Variants in SEZ6L2 observed in about 807,000 individuals in gnomAD.
SEZ6L2 encodes the protein seizure 6-like protein 2.
In SEZ6L2, 44 loss-of-function variants were observed where a neutral mutation model predicts 97.0. The observed-to-expected ratio is 0.45, with a 90% CI of 0.36 to 0.58. The LOEUF (loss-of-function observed/expected upper bound fraction) is 0.58. Ranked by LOEUF, SEZ6L2 falls within the 20% of genes least tolerant of loss-of-function variation. SEZ6L2 has a pLI of 0.00. For missense variants in SEZ6L2, 1,086 were observed against 1,233.3 expected, an observed-to-expected ratio of 0.88 and a Z score of 1.79; for synonymous variants, 543 against 546.1, an observed-to-expected ratio of 0.99 and a Z score of 0.08.
In SEZ6L2 at chr16:29,873,359, T is replaced by C. The variant is rs2067827740; in HGVS notation, c.2369A>G (p.Gln790Arg). The C allele has an allele frequency of 1.2e-6, 2 of 1,614,114 alleles. No individual in the cohort carries two copies. The highest frequency in any genetic ancestry group is 2.2e-5 in the East Asian group (1 of 44,896). The change falls in exon 14 of 18, where the codon CAG (glutamine) becomes CGG (arginine). Residue 790 changes from glutamine (Q) to arginine (R), a missense_variant. Gln to Arg is a conservative substitution (Grantham distance 43, BLOSUM62 1). Transcript: ENST00000617533. This position sits in a 1 kb window ranked among gnomAD's most constrained non-coding sequence, Gnocchi z 4.3. ...GYQTLYKHHY[Q>R]AGESLRFFCY... The stretch of plus-strand genomic sequence containing the variant: ...GAAGAAGCGCAGAGACTCGCCCGCC[T>C]GGTAGTGGTGCTTGTACAGCGTCTG...
rs2067781439 is a variant in SEZ6L2, at chr16:29,871,601, G to A, written c.*98C>T. ...GGGAGACTATTTACACAGCCAGGGA[G>A]GAGGGCAGCCAGGAGGCAGAGACCG... On this transcript the variant is annotated 3_prime_UTR_variant, in exon 18 of 18. Coordinates refer to ENST00000617533, the MANE Select transcript of SEZ6L2 (RefSeq NM_001243332.2). 8.1e-7 allele frequency: 1 copy of A among 1,227,446 alleles called. No homozygotes were observed. Among genetic ancestry groups the A allele is most frequent in the Non-Finnish European group, 1.2e-6 (1 of 850,182 alleles). The allele number at this position is 1,227,446 out of a possible 1,614,324, so 76.0% of individuals were successfully genotyped here. A position where few individuals can be genotyped will look rare whatever the true frequency, so the allele number is the denominator to read the frequency against.
At chr16:29,890,254 C>G (rs2068242923) in intron 5 of SEZ6L2, among the ~76,000 whole-genome samples, 2 of 152,088 alleles carry the variant, frequency 1.3e-5, no homozygotes, top group Admixed American at 1.3e-4. Context: ...CGCCTGTAAT[C>G]CTGGCACTTT....
chr16:29,878,769 T>C (rs1419322936), intron 9 of SEZ6L2, among the ~76,000 whole-genome samples: 2 of 148,926 alleles, frequency 1.3e-5, no homozygotes, highest in South Asian at 2.1e-4. Context: ...TTTTCTTTTT[T>C]TTTTTTTTTG....
intron 8 of SEZ6L2, 139 bp downstream of exon 8, chr16:29,885,447 G>A: frequency 1.1e-6 from 1 of 878,066 alleles, no homozygotes; most frequent in Non-Finnish European, 1.8e-6. Flanking sequence ...TGCAGTTTTG[G>A]GGCAGGGAAG....
chr16:29,871,828 T>A (rs1471289376), intron 17 of SEZ6L2, 100 bp from the exon 18 acceptor site: 21 of 1,085,422 alleles, frequency 1.9e-5, no homozygotes, highest in Admixed American at 7.9e-5. Context: ...TAAAGTAACA[T>A]TGACCTCTAG....
rs1567409263 is a variant in SEZ6L2 at position 29,873,219 on chromosome 16, C to T, written c.2488+21G>A. ...CTTCCCGGACACTGGTGTGCCCCTC[C>T]TGCCCTGTCTGGCCAGGCACCTTTG... On this transcript the variant is annotated intron_variant, in intron 14 of 17. Transcript: ENST00000617533. This position sits in a 1 kb window ranked among gnomAD's most constrained non-coding sequence, Gnocchi z 4.3. 9.9e-6 allele frequency: 16 copies of T among 1,612,740 alleles called. No homozygotes were observed. The highest frequency in any genetic ancestry group is 1.4e-5 in the Non-Finnish European group (16 of 1,179,540).
chr16:29,877,084 G>T (rs1444474553), intron 11 of SEZ6L2, 134 bp from the exon 12 acceptor site: 8 of 1,102,202 alleles, frequency 7.3e-6, no homozygotes, highest in Non-Finnish European at 1.0e-5. Flanking sequence ...GTTTCCTGTC[G>T]CCCAGGCTGG....
At position 29,876,644 on chromosome 16, in the gene SEZ6L2, C is replaced by T. The variant is rs958102852; in HGVS notation, c.2104+112G>A. ...GCCTTGAAGAAGATCCAGGAAGGAC[C>T]CCGAGCGAAGGGATGGAACCCAGAA... On this transcript the variant is annotated intron_variant, in intron 12 of 17. Transcript: ENST00000617533. The surrounding 1 kb of genome is among the most constrained non-coding windows in gnomAD (Gnocchi z 6.5). The T allele has an allele frequency of 5.0e-6, 5 of 995,532 alleles. No individual in the cohort carries two copies. Among genetic ancestry groups the T allele is most frequent in the East Asian group, 5.3e-5 (2 of 37,466 alleles). The allele number at this position is 995,532 out of a possible 1,614,324, so 61.7% of individuals were successfully genotyped here. A position where few individuals can be genotyped will look rare whatever the true frequency, so the allele number is the denominator to read the frequency against.
chr16:29,873,332 CAGA>C lies in SEZ6L2; in HGVS notation c.2393_2395del (p.Phe798del). 8 of 1,614,232 alleles carry C rather than the reference CAGA, an allele frequency of 5.0e-6. No individual in the cohort carries two copies. Among genetic ancestry groups the C allele is most frequent in the Non-Finnish European group, 5.9e-6 (7 of 1,180,038 alleles). On this transcript the variant is annotated inframe_deletion, in exon 14 of 18. Transcript: ENST00000617533. The surrounding 1 kb of genome is among the most constrained non-coding windows in gnomAD (Gnocchi z 4.3). Reference sequence around the variant, plus strand: ...GCCGATAAGCTCAAAGCCCTCATAGCAGAAGAAGCGCAGAGACTCGCCCGCCTG... The same window carrying C: ...GCCGATAAGCTCAAAGCCCTCATAGCAGAAGCGCAGAGACTCGCCCGCCTG...
chr16:29,875,412 G>A (rs1424337629), intron 12 of SEZ6L2, among the ~76,000 whole-genome samples: 4 of 152,116 alleles, frequency 2.6e-5, no homozygotes, highest in East Asian at 3.9e-4. Context: ...TCCTGAGCCC[G>A]AGGCAGCGGG....
Position 29,879,775 on chromosome 16 carries a change from C to T in SEZ6L2, c.1573+89G>A, listed in dbSNP as rs552331298. 7.5e-5 allele frequency: 90 copies of T among 1,207,132 alleles called. 1 individual carries two copies. The African/African-American group carries it at 1.2e-3, about 16-fold the overall frequency. 74.8% of individuals were successfully genotyped at this position (1,207,132 alleles called of 1,614,324 possible). A position where few individuals can be genotyped will look rare whatever the true frequency, so the allele number is the denominator to read the frequency against. On this transcript the variant is annotated intron_variant, in intron 9 of 17. Coordinates refer to ENST00000617533, the MANE Select transcript of SEZ6L2 (RefSeq NM_001243332.2). ...CTTGGGTGGATGAAGTCTGGATGTG[C>T]AGCCTTCCTTTCTGAACGGCCTTGC...
At chr16:29,889,791 C>T (rs1023428428) in intron 5 of SEZ6L2, among the ~76,000 whole-genome samples, 19 of 151,510 alleles carry the variant, frequency 1.3e-4, no homozygotes, top group Admixed American at 8.6e-4. Flanking sequence ...CCATGCCCCG[C>T]TAATTTTTAA....
Position 29,871,482 on chromosome 16 carries a change from C to G in SEZ6L2, c.*217G>C. The G allele has an allele frequency of 1.6e-6, 1 of 609,310 alleles. No individual in the cohort carries two copies. Among genetic ancestry groups the G allele is most frequent in the Non-Finnish European group, 2.9e-6 (1 of 339,352 alleles). 37.7% of individuals were successfully genotyped at this position (609,310 alleles called of 1,614,324 possible). On this transcript the variant is annotated 3_prime_UTR_variant, in exon 18 of 18. Transcript: ENST00000617533. ...CCGGTAGGGCGGGGGGCAGGCCCCT[C>G]GTTTGGCAACTGAGAAGAGGCGGCT...
Position 29,897,141 on chromosome 16 carries a change from A to G in SEZ6L2, c.212-20T>C, listed in dbSNP as rs980604055. The G allele has an allele frequency of 6.6e-7, 1 of 1,522,256 alleles. No individual in the cohort carries two copies. Among genetic ancestry groups the G allele is most frequent in the Non-Finnish European group, 8.8e-7 (1 of 1,135,854 alleles). The allele number at this position is 1,522,256 out of a possible 1,614,324, so 94.3% of individuals were successfully genotyped here. A position where few individuals can be genotyped will look rare whatever the true frequency, so the allele number is the denominator to read the frequency against. ...CAGATCCTGGGACAGTGCAGGGAAT[A>G]TCAGAGCACAGGAGGAGCACATGGA... is the stretch of plus-strand genomic sequence containing the variant. On this transcript the variant is annotated intron_variant, in intron 2 of 17. Transcript: ENST00000617533.
chr16:29,877,438 G>T lies in SEZ6L2; in HGVS notation c.1742C>A (p.Thr581Lys), dbSNP rs200681349. The change falls in exon 11 of 18, where the codon ACG becomes AAG. Residue 581 changes from threonine to lysine, a missense_variant. Transcript: ENST00000617533. ...ILNVREGDML[T>K]LFDGDGPSAR... Reference sequence around the variant, plus strand: ...GCTGGGACCGTCCCCGTCGAACAGCGTCAGCATGTCCCCTTCCCGCACATT... The same window carrying T: ...GCTGGGACCGTCCCCGTCGAACAGCTTCAGCATGTCCCCTTCCCGCACATT... 1.2e-5 allele frequency: 19 copies of T among 1,606,520 alleles called. No individual in the cohort carries two copies. Among genetic ancestry groups the T allele is most frequent in the Non-Finnish European group, 8.5e-7 (1 of 1,176,452 alleles).
At position 29,896,976 on chromosome 16, in the gene SEZ6L2, C is replaced by A. The variant is rs780224187; in HGVS notation, c.357G>T (p.Ala119=). ...CTGGGGGCGGGGTCAGCAGTTCTGG[C>A]GCAGTGGGGCCTGCCCCCCTGACCC... is the stretch of plus-strand genomic sequence containing the variant. The part of the protein sequence containing the change: ...PNGVRGAGPT[A]PELLTPPPGT... The change falls in exon 3 of 18, where the codon GCG becomes GCT. Residue 119 remains alanine, a synonymous_variant. Transcript: ENST00000617533. 1.9e-6 allele frequency: 3 copies of A among 1,591,696 alleles called. No individual in the cohort carries two copies. In the African/African-American group the frequency reaches 4.0e-5, roughly 21 times the overall value.
intron 8 of SEZ6L2, among the ~76,000 whole-genome samples, chr16:29,880,893 C>G (rs545897712): frequency 2.3e-4 from 35 of 151,764 alleles, no homozygotes; most frequent in African/African-American, 8.5e-4. Flanking sequence ...TCTCTGGTAG[C>G]TGGGACTACA....
Position 29,895,386 on chromosome 16 carries a change from G to T in SEZ6L2, c.726C>A (p.Pro242=). 6.2e-7 allele frequency: 1 copy of T among 1,614,110 alleles called. No homozygotes were observed. The highest frequency in any genetic ancestry group is 8.5e-7 in the Non-Finnish European group (1 of 1,180,024). Residue 242 remains proline (P), a synonymous_variant, in exon 5 of 18, where the codon CCC becomes CCA. Coordinates refer to ENST00000617533, the MANE Select transcript of SEZ6L2 (RefSeq NM_001243332.2). ...LAGGGSPGLA[P]RLLANSSMLG... ...GCATGGATGAGTTGGCCAGGAGTCG[G>T]GGGGCCAGGCCTGGGGATCCCCCAC...
rs2067776570 is a variant in SEZ6L2, at chr16:29,871,399, G to A, written c.*300C>T. On this transcript the variant is annotated 3_prime_UTR_variant, in exon 18 of 18. Coordinates refer to ENST00000617533, the MANE Select transcript of SEZ6L2 (RefSeq NM_001243332.2). Reference sequence around the variant, plus strand: ...GGGGCAGTCCTTGAGGGGTGCCCTGGGCAGGAGGGGCTGCAAGATTTGCAG... The same window carrying A: ...GGGGCAGTCCTTGAGGGGTGCCCTGAGCAGGAGGGGCTGCAAGATTTGCAG... The A allele has an allele frequency of 3.8e-6, 2 of 525,352 alleles. No homozygotes were observed. The highest frequency in any genetic ancestry group is 2.1e-5 in the South Asian group (1 of 47,708). 32.5% of individuals were successfully genotyped at this position (525,352 alleles called of 1,614,324 possible).
Sources: allele counts gnomAD v4.1 joint callset (sites outside exome capture counted in the v4.1 genomes callset), GRCh38; gene constraint gnomAD v4.1.1; non-coding constraint Gnocchi (gnomAD v3.1); transcripts MANE v1.5; gene names NCBI Gene and HGNC (gene_info 2026-07-23, HGNC 2026-07-21).